Variants in TRABD2B observed in about 807,000 individuals in gnomAD.
The protein encoded by TRABD2B is metalloprotease TIKI2.
A neutral mutation model predicts 40.1 loss-of-function variants in TRABD2B; 14 were observed. The ratio of observed to expected loss-of-function variants is 0.35; its 90% confidence interval spans 0.23 to 0.55. TRABD2B has a LOEUF of 0.55. Ranked by LOEUF, TRABD2B falls within the 20% of genes least tolerant of loss-of-function variation. The pLI, the probability that TRABD2B is intolerant of heterozygous loss-of-function variation, is 0.90. For missense variants in TRABD2B, 541 were observed against 648.6 expected (o/e 0.83, Z 1.80); for synonymous variants, 263 against 277.0 (o/e 0.95, Z 0.50).
intron 3 of TRABD2B, among the ~76,000 whole-genome samples, 159 bp from the exon 4 acceptor site, chr1:47,794,919 C>T (rs1240581103): frequency 6.6e-6 from 1 of 151,524 alleles, no homozygotes; most frequent in Non-Finnish European, 1.5e-5. Flanking sequence ...TAGGTATGAA[C>T]CACCATGACT....
At chr1:47,989,632 T>G (rs754409048) in intron 2 of TRABD2B, among the ~76,000 whole-genome samples, 2 of 152,130 alleles carry the variant, frequency 1.3e-5, no homozygotes, top group Non-Finnish European at 2.9e-5. Flanking sequence ...CTTTGAGAAC[T>G]CCTATTTTAG....
At chr1:47,839,547 C>G (rs1218155944) in intron 2 of TRABD2B, among the ~76,000 whole-genome samples, 1 of 152,224 alleles carries the variant, frequency 6.6e-6, no homozygotes, top group Admixed American at 6.5e-5. Context: ...CTCTGGATCC[C>G]TGCCATCCAC....
At chr1:47,955,898 G>A (rs1645413894) in intron 2 of TRABD2B, among the ~76,000 whole-genome samples, 1 of 152,180 alleles carries the variant, frequency 6.6e-6, no homozygotes, top group African/African-American at 2.4e-5. Context: ...ATACCTGCAA[G>A]GAACTCTAAG....
At chr1:47,892,290 T>C (rs566717911) in intron 2 of TRABD2B, among the ~76,000 whole-genome samples, 1 of 152,340 alleles carries the variant, frequency 6.6e-6, no homozygotes, top group South Asian at 2.1e-4. Flanking sequence ...TCTAAGACTT[T>C]TGGCCTGAAC....
chr1:47,885,560 G>A (rs933643794), intron 2 of TRABD2B, among the ~76,000 whole-genome samples: 1 of 152,172 alleles, frequency 6.6e-6, no homozygotes, highest in African/African-American at 2.4e-5. Context: ...GCAGGGGACC[G>A]TGATTTAACG....
chr1:47,804,455 G>A (rs978718891), intron 2 of TRABD2B, among the ~76,000 whole-genome samples: 3 of 152,182 alleles, frequency 2.0e-5, no homozygotes, highest in South Asian at 2.1e-4. Flanking sequence ...GACTACACTC[G>A]GCCACTGCAC....
chr1:47,815,840 G>GCT (rs1205971440), intron 2 of TRABD2B, among the ~76,000 whole-genome samples: 2 of 149,622 alleles, frequency 1.3e-5, no homozygotes, highest in East Asian at 3.9e-4. Flanking sequence ...TAGATAGATA[G>GCT]ATAGATAGAT....
chr1:47,910,644 G>A (rs1644750283), intron 2 of TRABD2B, among the ~76,000 whole-genome samples: 1 of 152,194 alleles, frequency 6.6e-6, no homozygotes, highest in Admixed American at 6.5e-5. Context: ...CTAGAGTGTA[G>A]TAGTTAGAAA....
intron 2 of TRABD2B, among the ~76,000 whole-genome samples, chr1:47,992,164 T>C (rs1646021627): frequency 6.6e-6 from 1 of 152,110 alleles, no homozygotes; most frequent in Non-Finnish European, 1.5e-5. Context: ...ATTTTAAGAG[T>C]GGGCCCAGGC....
intron 2 of TRABD2B, among the ~76,000 whole-genome samples, chr1:47,947,835 T>C (rs1570346167): frequency 6.6e-6 from 1 of 152,314 alleles, no homozygotes; most frequent in African/African-American, 2.4e-5. Context: ...ACCCGCACTT[T>C]ATAGGTGAGG....
At chr1:47,769,930 G>C (rs1401072505) in intron 6 of TRABD2B, among the ~76,000 whole-genome samples, 1 of 152,240 alleles carries the variant, frequency 6.6e-6, no homozygotes, top group Non-Finnish European at 1.5e-5. Flanking sequence ...GCAGAAGCCA[G>C]AGCGAGATCT....
intron 2 of TRABD2B, among the ~76,000 whole-genome samples, chr1:47,903,075 A>C (rs532557492): frequency 1.5e-4 from 23 of 152,138 alleles, no homozygotes; most frequent in African/African-American, 5.5e-4. Context: ...AGTGTTCCCA[A>C]GGCTGAGTGA....
chr1:47,876,557 T>C (rs528320393), intron 2 of TRABD2B, among the ~76,000 whole-genome samples: 1 of 152,188 alleles, frequency 6.6e-6, no homozygotes, highest in African/African-American at 2.4e-5. Context: ...GGCTAGGAAA[T>C]CCCCGCAACT....
intron 2 of TRABD2B, among the ~76,000 whole-genome samples, chr1:47,891,857 A>G (rs4927195): frequency 0.024 from 3,587 of 150,744 alleles, 109 homozygotes; most frequent in Admixed American, 0.09. Flanking sequence ...AAATGAAAGA[A>G]AAAAAAAAGA....
intron 2 of TRABD2B, among the ~76,000 whole-genome samples, chr1:47,948,855 G>A (rs1645298151): frequency 6.6e-6 from 1 of 152,010 alleles, no homozygotes; most frequent in Non-Finnish European, 1.5e-5. Context: ...CTCTCGCCAA[G>A]CCTCCTCATC....
At chr1:47,970,757 T>G (rs565797188) in intron 2 of TRABD2B, among the ~76,000 whole-genome samples, 19 of 152,314 alleles carry the variant, frequency 1.2e-4, no homozygotes, top group African/African-American at 4.6e-4. Context: ...GTCTGCTGTG[T>G]GCATTCTGGG....
intron 2 of TRABD2B, among the ~76,000 whole-genome samples, chr1:47,802,872 G>C (rs572965229): frequency 6.6e-6 from 1 of 152,082 alleles, no homozygotes; most frequent in South Asian, 2.1e-4. Context: ...AACGTTCACA[G>C]GTCCCTCCCA....
intron 2 of TRABD2B, among the ~76,000 whole-genome samples, chr1:47,965,199 GGC>G (rs1448038492): frequency 9.2e-6 from 1 of 108,432 alleles, no homozygotes; most frequent in African/African-American, 3.7e-5. Flanking sequence ...TTTGGCGGGG[GGC>G]GGGGGGGGGT....
At chr1:47,882,848 C>T (rs772632037) in intron 2 of TRABD2B, among the ~76,000 whole-genome samples, 1 of 151,966 alleles carries the variant, frequency 6.6e-6, no homozygotes, top group Non-Finnish European at 1.5e-5. Context: ...AAGGAGGCAC[C>T]TGGAGGGGCA....
Sources: gnomAD v4.1 joint callset for allele counts (sites outside exome capture counted in the v4.1 genomes callset) on GRCh38, gnomAD v4.1.1 for gene constraint, MANE v1.5 for transcripts, NCBI Gene and HGNC (gene_info 2026-07-23, HGNC 2026-07-21) for gene names.